Variants in RGS7BP observed in about 807,000 individuals in gnomAD.
RGS7BP encodes regulator of G protein signaling 7-binding protein.
A neutral mutation model predicts 31.3 loss-of-function variants in RGS7BP; 9 were observed. The ratio of observed to expected loss-of-function variants is 0.29; its 90% CI spans 0.17 to 0.50. The LOEUF is 0.50. Among genes scored for constraint, RGS7BP ranks in the 20% least tolerant of loss-of-function variants. RGS7BP has a pLI of 0.98. For synonymous variants in RGS7BP, 115 were observed against 120.1 expected (o/e 0.96, Z 0.28); for missense variants, 274 against 322.0 (o/e 0.85, Z 1.14).
chr5:64,549,724 C>G (rs1397340668), intron 2 of RGS7BP, among the ~76,000 whole-genome samples: 1 of 152,174 alleles, frequency 6.6e-6, no homozygotes, highest in Non-Finnish European at 1.5e-5. Flanking sequence ...GATGGTCCAG[C>G]CACACCCTTG....
chr5:64,552,399 A>T (rs1047098507), intron 2 of RGS7BP, among the ~76,000 whole-genome samples: 1 of 152,176 alleles, frequency 6.6e-6, no homozygotes, highest in African/African-American at 2.4e-5. Flanking sequence ...ACTACTTCTG[A>T]CATTTTCTTA....
Position 64,584,487 on chromosome 5 carries a change from G to A in RGS7BP, c.463+8583G>A, listed in dbSNP as rs1291216555. ...AGTCTGAATTAATTAACTGTAGAGTGAATACATCTTAGACACTGTGCTGCT... is the reference window on the plus strand; with the variant it reads ...AGTCTGAATTAATTAACTGTAGAGTAAATACATCTTAGACACTGTGCTGCT... On this transcript the variant is annotated intron_variant, in intron 3 of 5. Transcript: ENST00000334025. Among the ~76,000 whole-genome samples, 4 of 152,346 alleles carry A rather than the reference G, an allele frequency of 2.6e-5. No individual in the cohort carries two copies. In the East Asian group the frequency reaches 7.7e-4, roughly 29 times the overall value.
At chr5:64,556,074 A>T (rs2111848355) in intron 2 of RGS7BP, among the ~76,000 whole-genome samples, 1 of 152,146 alleles carries the variant, frequency 6.6e-6, no homozygotes, top group Non-Finnish European at 1.5e-5. Context: ...ATTCTGCTTG[A>T]TACTTTAAAT....
chr5:64,606,612 CTA>C (rs1481527949), intron 5 of RGS7BP, among the ~76,000 whole-genome samples: 1 of 152,028 alleles, frequency 6.6e-6, no homozygotes, highest in East Asian at 1.9e-4. Context: ...TCAGAATTTG[CTA>C]TATCTTTGCC....
At chr5:64,600,599 G>A (rs1743193073) in intron 5 of RGS7BP, among the ~76,000 whole-genome samples, 1 of 152,120 alleles carries the variant, frequency 6.6e-6, no homozygotes, top group African/African-American at 2.4e-5. Context: ...CTCAGGACTT[G>A]AACCTTGGAT....
intron 3 of RGS7BP, among the ~76,000 whole-genome samples, chr5:64,577,746 C>T (rs1441343903): frequency 4.6e-5 from 7 of 152,162 alleles, no homozygotes; most frequent in Non-Finnish European, 4.4e-5. Context: ...CTGACACATA[C>T]ACACACACAA....
chr5:64,603,271 C>G (rs1743268075), intron 5 of RGS7BP, among the ~76,000 whole-genome samples: 1 of 152,134 alleles, frequency 6.6e-6, no homozygotes, highest in Non-Finnish European at 1.5e-5. Context: ...CAAGTTCAGA[C>G]TTGGAAAATG....
chr5:64,592,829 G>A (rs1742956809), intron 3 of RGS7BP, among the ~76,000 whole-genome samples: 1 of 152,142 alleles, frequency 6.6e-6, no homozygotes, highest in Non-Finnish European at 1.5e-5. Context: ...GCAGAGGACT[G>A]TTTTGGGAGA....
At chr5:64,515,733 CAT>C (rs1464007120) in intron 2 of RGS7BP, among the ~76,000 whole-genome samples, 4 of 151,762 alleles carry the variant, frequency 2.6e-5, no homozygotes, top group South Asian at 2.1e-4. Context: ...CACACACACA[CAT>C]ATAATGCACA....
chr5:64,596,507 G>A (rs1173185261), intron 4 of RGS7BP, among the ~76,000 whole-genome samples: 7 of 152,152 alleles, frequency 4.6e-5, no homozygotes, highest in Admixed American at 6.5e-5. Context: ...AGAGGAGACA[G>A]TGCCTCAATC....
chr5:64,536,674 C>A (rs1261960263), intron 2 of RGS7BP, among the ~76,000 whole-genome samples: 1 of 152,216 alleles, frequency 6.6e-6, no homozygotes, highest in East Asian at 1.9e-4. Flanking sequence ...TCCATTCCCT[C>A]TGTGAAACCT....
At chr5:64,548,730 C>T (rs931097246) in intron 2 of RGS7BP, among the ~76,000 whole-genome samples, 1 of 152,042 alleles carries the variant, frequency 6.6e-6, no homozygotes, top group African/African-American at 2.4e-5. Flanking sequence ...TGGTCTCGAA[C>T]TTCTGACCTC....
Position 64,568,784 on chromosome 5 carries a change from T to A in RGS7BP, c.333-6990T>A, listed in dbSNP as rs868078122. Among the ~76,000 whole-genome samples, 709 of 149,684 alleles carry A rather than the reference T, an allele frequency of 4.7e-3. 5 individuals are homozygous for A. Among genetic ancestry groups the A allele is most frequent in the African/African-American group, 0.012 (499 of 40,796 alleles). Reference sequence around the variant, plus strand: ...AGGTCAGGGAACTGATGGTTATTGTTTTTTTTTTTTTTTAGTGTTTAAATG... The same window carrying A: ...AGGTCAGGGAACTGATGGTTATTGTATTTTTTTTTTTTTAGTGTTTAAATG... On this transcript the variant is annotated intron_variant, in intron 2 of 5. Coordinates refer to ENST00000334025, the MANE Select transcript of RGS7BP (RefSeq NM_001029875.3).
rs188358270 is a variant in RGS7BP at position 64,590,499 on chromosome 5, G to A, written c.464-4211G>A. On this transcript the variant is annotated intron_variant, in intron 3 of 5. Transcript: ENST00000334025. ...CTTTATGCTATTAAAAATGTATTCTGTGGATTGTTTTCTAGGACGAATGAA... is the reference window on the plus strand; with the variant it reads ...CTTTATGCTATTAAAAATGTATTCTATGGATTGTTTTCTAGGACGAATGAA... Among the ~76,000 whole-genome samples, 211 of 152,222 alleles carry A rather than the reference G, an allele frequency of 1.4e-3. 1 individual carries two copies. Among genetic ancestry groups the A allele is most frequent in the African/African-American group, 4.8e-3 (200 of 41,554 alleles).
chr5:64,560,365 C>A (rs376422251), intron 2 of RGS7BP, among the ~76,000 whole-genome samples: 3 of 152,002 alleles, frequency 2.0e-5, no homozygotes, highest in Non-Finnish European at 2.9e-5. Flanking sequence ...GTGGTTTAAA[C>A]CCTCCAAGTG....
intron 3 of RGS7BP, among the ~76,000 whole-genome samples, chr5:64,578,799 A>G (rs16892892): frequency 0.26 from 39,702 of 152,052 alleles, 6,196 homozygotes; most frequent in South Asian, 0.37. Context: ...TGAGGATGTG[A>G]CCACTGAAAT....
In RGS7BP at chr5:64,594,990, G is replaced by A; in HGVS notation, c.611+133G>A. ...CTTTGGTATGCCAGAGGAGCATAGT[G>A]CTGTCAGGGACCCTGGAGACTGCCT... On this transcript the variant is annotated intron_variant, in intron 4 of 5. Coordinates refer to ENST00000334025, the MANE Select transcript of RGS7BP (RefSeq NM_001029875.3). 1.7e-5 allele frequency: 16 copies of A among 933,894 alleles called. 1 individual carries two copies. The South Asian group carries it at 2.5e-4, about 15-fold the overall frequency. 57.9% of individuals were successfully genotyped at this position (933,894 alleles called of 1,614,324 possible).
chr5:64,587,736 C>T (rs1036311496), intron 3 of RGS7BP, among the ~76,000 whole-genome samples: 2 of 152,204 alleles, frequency 1.3e-5, no homozygotes, highest in African/African-American at 4.8e-5. Context: ...CTCAGTATAT[C>T]TCTCTGGAAT....
intron 2 of RGS7BP, among the ~76,000 whole-genome samples, chr5:64,569,565 AC>A (rs1165934933): frequency 3.3e-5 from 5 of 152,098 alleles, no homozygotes; most frequent in Non-Finnish European, 5.9e-5. Flanking sequence ...AGAATTTGAA[AC>A]CAAAATTAAT....
Sources: allele counts gnomAD v4.1 joint callset (sites outside exome capture counted in the v4.1 genomes callset), GRCh38; gene constraint gnomAD v4.1.1; transcripts MANE v1.5; gene names NCBI Gene and HGNC (gene_info 2026-07-23, HGNC 2026-07-21).